ME3: variants seen among roughly 807,000 people sequenced by gnomAD.
ME3 encodes NADP-dependent malic enzyme, mitochondrial.
In ME3, 48 loss-of-function variants were observed where a neutral mutation model predicts 68.9. The ratio of observed to expected loss-of-function variants is 0.70; its 90% CI spans 0.55 to 0.89. ME3 has a LOEUF of 0.89. ME3 is among the 40% of genes least tolerant of loss of function. The probability of loss-of-function intolerance (pLI) is 0.00; values close to 1 mark genes in which losing one functional copy is unlikely to be tolerated. For synonymous variants in ME3, 320 were observed against 318.8 expected (o/e 1.00, Z -0.04); for missense variants, 675 against 797.4 (o/e 0.85, Z 1.85).
At position 86,659,913 on chromosome 11, in the gene ME3, TTTTTTAAGTTAG is replaced by T. The variant is rs767797627; in HGVS notation, c.183+11837_183+11848del. 2.2e-4 allele frequency among the ~76,000 whole-genome samples: 34 copies of T among 152,302 alleles called. No homozygotes were observed. The East Asian group carries it at 5.0e-3, about 22-fold the overall frequency. On this transcript the variant is annotated intron_variant, in intron 2 of 14. Transcript: ENST00000543262. ...ATCCAAATTTGGCTGGATCTATTTT[TTTTTTAAGTTAG>T]TTTTTAAACCTTGGTTAGAATATAC...
Position 86,453,223 on chromosome 11 carries a change from C to A in ME3, c.920-2825G>T, listed in dbSNP as rs1949733291. 2.0e-5 allele frequency among the ~76,000 whole-genome samples: 3 copies of A among 152,180 alleles called. No individual in the cohort carries two copies. The South Asian group carries it at 6.2e-4, about 31-fold the overall frequency. On this transcript the variant is annotated intron_variant, in intron 8 of 14. Transcript: ENST00000543262. The stretch of plus-strand genomic sequence containing the variant: ...GCGTGTTGGCCAGGCTGGTCTCGAA[C>A]TCCTGACCTCAGGTGATCTGCCTGC...
chr11:86,542,365 A>C (rs1956103057), intron 4 of ME3, among the ~76,000 whole-genome samples: 1 of 152,218 alleles, frequency 6.6e-6, no homozygotes, highest in South Asian at 2.1e-4. Flanking sequence ...CTCTGAGCTA[A>C]AGAAGCATGT....
chr11:86,640,023 G>A (rs1322128851), intron 2 of ME3, among the ~76,000 whole-genome samples: 5 of 152,084 alleles, frequency 3.3e-5, no homozygotes, highest in Non-Finnish European at 7.4e-5. Context: ...ATTCACCTTC[G>A]GCCTCAAGGC....
intron 2 of ME3, among the ~76,000 whole-genome samples, chr11:86,625,080 T>C (rs916965951): frequency 3.3e-5 from 5 of 152,210 alleles, no homozygotes; most frequent in Non-Finnish European, 5.9e-5. Context: ...TTTTCAGTAC[T>C]TTTAATTAAA....
intron 2 of ME3, among the ~76,000 whole-genome samples, chr11:86,589,046 C>CT (rs1477639362): frequency 6.6e-6 from 1 of 152,174 alleles, no homozygotes; most frequent in Non-Finnish European, 1.5e-5. Flanking sequence ...GAAAAGCTTC[C>CT]TCTTTTATTC....
intron 4 of ME3, among the ~76,000 whole-genome samples, chr11:86,534,920 T>C (rs1226658914): frequency 7.0e-6 from 1 of 143,044 alleles, no homozygotes; most frequent in Non-Finnish European, 1.6e-5. Context: ...GTAAGTAGTT[T>C]TAAAATGGAG....
At chr11:86,519,934 G>C (rs1325328154) in intron 4 of ME3, among the ~76,000 whole-genome samples, 1 of 152,246 alleles carries the variant, frequency 6.6e-6, no homozygotes, top group Non-Finnish European at 1.5e-5. Flanking sequence ...TGAAGTGCGG[G>C]ATGGGGTGGC....
chr11:86,629,299 CA>C (rs1943866115), intron 2 of ME3, among the ~76,000 whole-genome samples: 1 of 152,146 alleles, frequency 6.6e-6, no homozygotes, highest in South Asian at 2.1e-4. Context: ...TGTGAGGTTT[CA>C]AAACACATTT....
At chr11:86,671,731 A>G (rs1392065789) in intron 2 of ME3, 31 bp downstream of exon 2, 5 of 1,593,346 alleles carry the variant, frequency 3.1e-6, no homozygotes, top group African/African-American at 1.4e-5. Flanking sequence ...CGGGATCGCA[A>G]CGCGGGCCGT....
intron 4 of ME3, among the ~76,000 whole-genome samples, chr11:86,524,290 T>G (rs1317816275): frequency 6.6e-6 from 1 of 152,266 alleles, no homozygotes; most frequent in South Asian, 2.1e-4. Flanking sequence ...CTGAAATTAC[T>G]GTCCCCCTGA....
In ME3 at chr11:86,582,960, G is replaced by A. The variant is rs575900007; in HGVS notation, c.184-23137C>T. ...GAAGCTTCAAGTTAAGTATCTGGGCGTTAGTGGCAGTTAAAACTTGGTGAG... is the reference window on the plus strand; with the variant it reads ...GAAGCTTCAAGTTAAGTATCTGGGCATTAGTGGCAGTTAAAACTTGGTGAG... On this transcript the variant is annotated intron_variant, in intron 2 of 14. Transcript: ENST00000543262. Among the ~76,000 whole-genome samples, 330 of 151,984 alleles carry A rather than the reference G, an allele frequency of 2.2e-3. 2 individuals are homozygous for A. Among genetic ancestry groups the A allele is most frequent in the African/African-American group, 7.7e-3 (320 of 41,458 alleles).
intron 7 of ME3, among the ~76,000 whole-genome samples, chr11:86,483,675 G>A (rs1042106802): frequency 6.6e-6 from 1 of 152,158 alleles, no homozygotes; most frequent in Non-Finnish European, 1.5e-5. Context: ...TCTCATCTAA[G>A]CAGCTTAAGA....
At chr11:86,592,352 G>C (rs4405345) in intron 2 of ME3, among the ~76,000 whole-genome samples, 85,365 of 152,040 alleles carry the variant, frequency 0.56, 25,233 homozygotes, top group Non-Finnish European at 0.65. Context: ...TAGGCCTTGA[G>C]GGGGGGAAAT....
intron 2 of ME3, among the ~76,000 whole-genome samples, chr11:86,595,431 G>A (rs560652314): frequency 8.4e-6 from 1 of 119,074 alleles, no homozygotes; most frequent in Non-Finnish European, 1.7e-5. Flanking sequence ...GACAGATGAA[G>A]AGACTGAAGC....
At chr11:86,631,124 G>A (rs114520354) in intron 2 of ME3, among the ~76,000 whole-genome samples, 75 of 152,312 alleles carry the variant, frequency 4.9e-4, no homozygotes, top group African/African-American at 1.6e-3. Context: ...GCTATGTACC[G>A]AATTGCAGAT....
rs965913946 is a variant in ME3 at position 86,573,709 on chromosome 11, G to A, written c.184-13886C>T. 5.9e-5 allele frequency among the ~76,000 whole-genome samples: 9 copies of A among 152,036 alleles called. No individual in the cohort carries two copies. In the East Asian group the frequency reaches 9.6e-4, roughly 16 times the overall value. ...AGAGACAGCATCCTTGTCTTGTGTCGGTTTTCAAAGGGAATGCTTCCAGCT... is the reference window on the plus strand; with the variant it reads ...AGAGACAGCATCCTTGTCTTGTGTCAGTTTTCAAAGGGAATGCTTCCAGCT... On this transcript the variant is annotated intron_variant, in intron 2 of 14. Coordinates refer to ENST00000543262, the Ensembl canonical transcript of ME3.
chr11:86,458,339 T>C (rs571895699), intron 8 of ME3, among the ~76,000 whole-genome samples: 4 of 152,332 alleles, frequency 2.6e-5, no homozygotes, highest in African/African-American at 9.6e-5. Context: ...CTTTCTACAT[T>C]ACTTCAGTGC....
At chr11:86,495,956 A>T (rs936470785) in intron 6 of ME3, among the ~76,000 whole-genome samples, 10 of 152,070 alleles carry the variant, frequency 6.6e-5, no homozygotes. Context: ...TAGTTTTCCC[A>T]CTTTCTTGCT....
At chr11:86,505,788 G>T (rs562860871) in intron 5 of ME3, among the ~76,000 whole-genome samples, 2 of 152,338 alleles carry the variant, frequency 1.3e-5, no homozygotes, top group East Asian at 3.9e-4. Flanking sequence ...TTATTGCAAA[G>T]CTGGGTCTGA....
Sources: allele counts gnomAD v4.1 joint callset (sites outside exome capture counted in the v4.1 genomes callset), GRCh38; gene constraint gnomAD v4.1.1; transcripts MANE v1.5; gene names NCBI Gene and HGNC (gene_info 2026-07-23, HGNC 2026-07-21).